Variants in ANKRD30A observed in about 807,000 individuals in gnomAD.
ANKRD30A encodes the protein ankyrin repeat domain 30A.
A neutral mutation model predicts 166.3 loss-of-function variants in ANKRD30A; 170 were observed. The ratio of observed to expected loss-of-function variants is 1.02; its 90% CI spans 0.90 to 1.16. The LOEUF (loss-of-function observed/expected upper bound fraction) is 1.16, where lower values mean the gene tolerates loss of function less well. Among genes scored for constraint, ANKRD30A ranks in the 50% most tolerant of loss-of-function variants. The probability of loss-of-function intolerance (pLI) is 0.00; values close to 1 mark genes in which losing one functional copy is unlikely to be tolerated. For missense variants in ANKRD30A, 1,630 were observed against 1,518.0 expected (o/e 1.07, Z -1.23); for synonymous variants, 564 against 508.9 (o/e 1.11, Z -1.46).
chr10:37,230,752 T>C (rs79089038), intron 34 of ANKRD30A, among the ~76,000 whole-genome samples: 9,720 of 152,160 alleles, frequency 0.064, 408 homozygotes, highest in Middle Eastern at 0.11. Flanking sequence ...TTTCATTCTT[T>C]ATAAAAGCAT....
intron 7 of ANKRD30A, 46 bp downstream of exon 7, chr10:37,142,336 T>C: frequency 1.3e-6 from 2 of 1,516,138 alleles, no homozygotes; most frequent in East Asian, 2.3e-5. Context: ...GCACTTCAGG[T>C]TCCCTAGTGA....
the ANKRD30A span, among the ~76,000 whole-genome samples, chr10:37,238,796 A>G: frequency 2.5e-3 from 375 of 152,292 alleles, no homozygotes; most frequent in Middle Eastern, 0.021. Flanking sequence ...TAAAGGTAAT[A>G]TAATATTCTT....
At chr10:37,179,489 C>T (rs555074505) in intron 24 of ANKRD30A, among the ~76,000 whole-genome samples, 80 of 150,686 alleles carry the variant, frequency 5.3e-4, no homozygotes, top group Non-Finnish European at 9.7e-4. Context: ...ACTATTCCTA[C>T]ATTATGGGAA....
intron 12 of ANKRD30A, among the ~76,000 whole-genome samples, chr10:37,152,958 T>A (rs1423853490): frequency 2.6e-5 from 4 of 152,110 alleles, no homozygotes; most frequent in Admixed American, 2.0e-4. Context: ...GTGACGTAAT[T>A]TTTTTCTTAC....
intron 1 of ANKRD30A, among the ~76,000 whole-genome samples, chr10:37,126,967 A>G (rs1836060504): frequency 6.9e-6 from 1 of 145,120 alleles, no homozygotes; most frequent in African/African-American, 2.5e-5. Context: ...GAATCGCTTG[A>G]ACCCGGTAGG....
Position 37,165,084 on chromosome 10 carries a change from C to T in ANKRD30A, c.2003-10C>T, listed in dbSNP as rs377688287. 386 of 1,604,550 alleles carry T rather than the reference C, an allele frequency of 2.4e-4. 3 individuals carry two copies. The African/African-American group carries it at 4.8e-3, about 20-fold the overall frequency. ...TGCTCATGAATGTATCTGTGATTAA[C>T]CTTTTATAGATGAGATACTCCCATC... On this transcript the variant is annotated splice_polypyrimidine_tract_variant and intron_variant, in intron 17 of 35. Coordinates refer to ENST00000361713, the MANE Select transcript of ANKRD30A (RefSeq NM_052997.3).
In ANKRD30A at chr10:37,130,299, A is replaced by G; in HGVS notation, c.431A>G (p.His144Arg). 1 of 1,605,360 alleles carries G rather than the reference A, an allele frequency of 6.2e-7. No homozygotes were observed. The highest frequency in any genetic ancestry group is 1.1e-5 in the South Asian group (1 of 90,204). The change falls in exon 3 of 36, where the codon CAT becomes CGT. Residue 144 changes from histidine to arginine, a missense_variant. This residue lies in a region of ANKRD30A where 904 missense variants were observed against 818.5 expected (regional missense o/e 1.10). Coordinates refer to ENST00000361713, the MANE Select transcript of ANKRD30A (RefSeq NM_052997.3). ...GATGTGTATGGCAACACGGCTCTCCATTATGCTGTTTATAGTGAGATTTTG... is the reference window on the plus strand; with the variant it reads ...GATGTGTATGGCAACACGGCTCTCCGTTATGCTGTTTATAGTGAGATTTTG... ...LVDVYGNTAL[H>R]YAVYSEILSV...
In ANKRD30A at chr10:37,218,827, C is replaced by A. The variant is rs1262095840; in HGVS notation, c.3268-153C>A. ...ACTTTGGGGAATTTATGCTCTATAG[C>A]ATTTAAAGTTTTGATTCAGTGGTTC... On this transcript the variant is annotated intron_variant, in intron 33 of 35. Transcript: ENST00000361713. Among the ~76,000 whole-genome samples, 7 of 150,758 alleles carry A rather than the reference C, an allele frequency of 4.6e-5. No individual in the cohort carries two copies. The Admixed American group carries it at 4.7e-4, about 10-fold the overall frequency.
chr10:37,190,844 A>G (rs1840501434), intron 25 of ANKRD30A, among the ~76,000 whole-genome samples: 1 of 151,710 alleles, frequency 6.6e-6, no homozygotes, highest in Admixed American at 6.6e-5. Context: ...AGATGTATGT[A>G]TGTATGTATG....
At chr10:37,162,575 C>A in intron 15 of ANKRD30A, 74 bp from the exon 16 acceptor site, 3 of 1,576,458 alleles carry the variant, frequency 1.9e-6, no homozygotes, top group Middle Eastern at 2.3e-4. Context: ...CAGTTAAATA[C>A]TATCACGGCA....
intron 34 of ANKRD30A, among the ~76,000 whole-genome samples, chr10:37,227,385 T>G: frequency 6.6e-6 from 1 of 151,944 alleles, no homozygotes; most frequent in Non-Finnish European, 1.5e-5. Flanking sequence ...TGGTTGAAAA[T>G]ACTATTCTTT....
chr10:37,211,831 T>C lies in ANKRD30A; in HGVS notation c.2870-4350T>C, dbSNP rs559949695. The stretch of plus-strand genomic sequence containing the variant: ...ACTTTTTAATGATCGCCATTCTAAC[T>C]GGTGTGAGATGGTATCTCATTGTGG... On this transcript the variant is annotated intron_variant, in intron 31 of 35. Transcript: ENST00000361713. Among the ~76,000 whole-genome samples, 267 of 150,756 alleles carry C rather than the reference T, an allele frequency of 1.8e-3. 1 individual carries two copies. The highest frequency in any genetic ancestry group is 6.2e-3 in the African/African-American group (254 of 41,076).
chr10:37,149,938 C>T (rs1837795597), intron 11 of ANKRD30A, 89 bp downstream of exon 11: 2 of 1,540,928 alleles, frequency 1.3e-6, no homozygotes. Context: ...TTATTTTTTT[C>T]AACTTTGATG....
At chr10:37,139,526 T>C (rs1392208058) in intron 6 of ANKRD30A, among the ~76,000 whole-genome samples, 1 of 152,220 alleles carries the variant, frequency 6.6e-6, no homozygotes, top group Non-Finnish European at 1.5e-5. Context: ...TACTCTACCT[T>C]CCTTTGTATC....
At chr10:37,189,862 AG>A (rs1840386282) in intron 25 of ANKRD30A, among the ~76,000 whole-genome samples, 1 of 151,554 alleles carries the variant, frequency 6.6e-6, no homozygotes, top group Non-Finnish European at 1.5e-5. Context: ...CAGAGCGTAC[AG>A]AGAGTATATG....
downstream of ANKRD30A, among the ~76,000 whole-genome samples, chr10:37,236,824 C>T (rs940322021): frequency 1.7e-4 from 26 of 152,246 alleles, no homozygotes; most frequent in African/African-American, 4.8e-4. Context: ...TTTGGTAAGC[C>T]AAGTCCTATT....
intron 3 of ANKRD30A, among the ~76,000 whole-genome samples, chr10:37,131,445 T>A (rs1283319263): frequency 6.6e-6 from 1 of 152,206 alleles, no homozygotes; most frequent in African/African-American, 2.4e-5. Flanking sequence ...TCTATTGTCT[T>A]GTAATAGGAG....
the ANKRD30A span, among the ~76,000 whole-genome samples, chr10:37,255,112 A>G: frequency 1.3e-5 from 2 of 152,214 alleles, no homozygotes; most frequent in South Asian, 2.1e-4. Context: ...ACCCAAGGCC[A>G]TAAAGGTTTA....
rs1391060906 is a variant in ANKRD30A, at chr10:37,125,942, G to A, written c.155G>A (p.Arg52Gln). ...AAAGCTGCCTCCCGGGGACAAGTCC[G>A]GAAGCTGGAGAAGATGACAAAGAGG... ...IHKAASRGQV[R>Q]KLEKMTKRKK... The change falls in exon 1 of 36, where the codon CGG (arginine) becomes CAG (glutamine). Residue 52 changes from arginine to glutamine, a missense_variant. Physicochemically the swap from Arg to Gln is conservative, Grantham distance 43 (BLOSUM62 1). Around this residue, in one of 4 missense-constraint regions of ANKRD30A, gnomAD observed 904 missense variants for 818.5 expected, o/e 1.10. Transcript: ENST00000361713. The A allele has an allele frequency of 6.8e-6, 11 of 1,611,934 alleles. No homozygotes were observed. Among genetic ancestry groups the A allele is most frequent in the African/African-American group, 2.7e-5 (2 of 74,856 alleles).
Sources: gnomAD v4.1 joint callset for allele counts (sites outside exome capture counted in the v4.1 genomes callset) on GRCh38, gnomAD v4.1.1 for gene constraint, gnomAD v4.1.1 regional missense constraint, MANE v1.5 for transcripts, NCBI Gene and HGNC (gene_info 2026-07-23, HGNC 2026-07-21) for gene names.